Variants in HTR7 observed in about 807,000 individuals in gnomAD.
HTR7 encodes the protein 5-hydroxytryptamine receptor 7, also known as 5-HT-7.
A neutral mutation model predicts 34.0 loss-of-function variants in HTR7; 16 were observed. That is an observed-to-expected ratio of 0.47 (90% CI 0.32 to 0.71). The LOEUF is 0.71. HTR7 is among the 30% of genes least tolerant of loss of function. HTR7 has a pLI of 0.04. For missense variants in HTR7, 504 were observed against 625.5 expected, an observed-to-expected ratio of 0.81 and a Z score of 2.07; for synonymous variants, 265 against 260.2, an observed-to-expected ratio of 1.02 and a Z score of -0.18.
chr10:90,771,926 A>C (rs767894089), intron 1 of HTR7, among the ~76,000 whole-genome samples: 17 of 152,228 alleles, frequency 1.1e-4, no homozygotes, highest in Admixed American at 2.6e-4. Context: ...AGGGAAAGGA[A>C]ATAGAGGGAA....
intron 1 of HTR7, among the ~76,000 whole-genome samples, chr10:90,840,377 G>A (rs975315041): frequency 1.3e-5 from 2 of 152,112 alleles, no homozygotes; most frequent in African/African-American, 4.8e-5. Flanking sequence ...GATAATAAAA[G>A]TGCCTGGAAT....
chr10:90,790,686 TGAA>T (rs950362942), intron 1 of HTR7, among the ~76,000 whole-genome samples: 23 of 152,268 alleles, frequency 1.5e-4, no homozygotes, highest in African/African-American at 3.6e-4. Flanking sequence ...TCAGTTAAAT[TGAA>T]GAAGAAGCTA....
intron 1 of HTR7, among the ~76,000 whole-genome samples, chr10:90,829,156 T>C (rs1564696386): frequency 1.3e-5 from 2 of 152,190 alleles, no homozygotes; most frequent in Non-Finnish European, 2.9e-5. Flanking sequence ...CCATATATCA[T>C]TTCAGCTGAT....
intron 1 of HTR7, among the ~76,000 whole-genome samples, chr10:90,789,685 CA>C (rs925831106): frequency 6.6e-6 from 1 of 150,824 alleles, no homozygotes; most frequent in African/African-American, 2.4e-5. Flanking sequence ...CACAATCAAA[CA>C]AAAAAAAATC....
intron 1 of HTR7, among the ~76,000 whole-genome samples, chr10:90,817,751 A>C (rs779106794): frequency 1.3e-5 from 2 of 152,234 alleles, no homozygotes; most frequent in African/African-American, 4.8e-5. Context: ...TTGTCAGTCC[A>C]CAGAAAAACC....
intron 1 of HTR7, among the ~76,000 whole-genome samples, chr10:90,764,742 T>C (rs1300697012): frequency 6.6e-6 from 1 of 152,174 alleles, no homozygotes; most frequent in African/African-American, 2.4e-5. Context: ...CCCTGTCTTA[T>C]TCCCAATATT....
intron 1 of HTR7, among the ~76,000 whole-genome samples, chr10:90,840,359 A>G (rs182635013): frequency 3.3e-5 from 5 of 152,258 alleles, no homozygotes; most frequent in Non-Finnish European, 7.4e-5. Context: ...TCTCATCTGT[A>G]AAATGGGGAT....
chr10:90,781,277 A>T (rs989658244), intron 1 of HTR7, among the ~76,000 whole-genome samples: 1 of 152,222 alleles, frequency 6.6e-6, no homozygotes, highest in African/African-American at 2.4e-5. Flanking sequence ...CAGTATATAT[A>T]TATGGCATCT....
intron 1 of HTR7, among the ~76,000 whole-genome samples, chr10:90,852,647 C>T (rs147683989): frequency 1.1e-4 from 17 of 152,164 alleles, no homozygotes; most frequent in African/African-American, 2.4e-4. Flanking sequence ...ATTTATACAA[C>T]GGAATACTAC....
chr10:90,800,271 A>G (rs1241826090), intron 1 of HTR7, among the ~76,000 whole-genome samples: 3 of 152,210 alleles, frequency 2.0e-5, no homozygotes, highest in Non-Finnish European at 1.5e-5. Context: ...ATCTATTAGC[A>G]ATTCTGCTCA....
chr10:90,741,250 G>A lies in HTR7; in HGVS notation c.*1232C>T, dbSNP rs563990571. On this transcript the variant is annotated 3_prime_UTR_variant, in exon 4 of 4. Coordinates refer to ENST00000336152, the MANE Select transcript of HTR7 (RefSeq NM_019859.4). ...AGGTACTCTTCTATTCTCATCTACT[G>A]TCTTTCTGTCTCCTTAGCTCTTAAT... 6.6e-6 allele frequency: 1 copy of A among 152,428 alleles called. No individual in the cohort carries two copies. The highest frequency in any genetic ancestry group is 2.4e-5 in the African/African-American group (1 of 41,368). The allele number at this position is 152,428 out of a possible 1,614,324, so 9.4% of individuals were successfully genotyped here.
Position 90,742,389 on chromosome 10 carries a change from G to A in HTR7, c.*93C>T, listed in dbSNP as rs1161550009. The A allele has an allele frequency of 1.1e-6, 1 of 922,790 alleles. No individual in the cohort carries two copies. Among genetic ancestry groups the A allele is most frequent in the Non-Finnish European group, 1.7e-6 (1 of 581,390 alleles). 57.2% of individuals were successfully genotyped at this position (922,790 alleles called of 1,614,324 possible). A position where few individuals can be genotyped will look rare whatever the true frequency, so the allele number is the denominator to read the frequency against. On this transcript the variant is annotated 3_prime_UTR_variant, in exon 4 of 4. Coordinates refer to ENST00000336152, the MANE Select transcript of HTR7 (RefSeq NM_019859.4). ...GTTTTAGACATCCCAAGAAAGGACA[G>A]AAGCTGCATTCCATTCTGCAGACTC... is the stretch of plus-strand genomic sequence containing the variant.
At chr10:90,808,593 G>T (rs541640869) in intron 1 of HTR7, among the ~76,000 whole-genome samples, 1 of 151,944 alleles carries the variant, frequency 6.6e-6, no homozygotes, top group African/African-American at 2.4e-5. Context: ...CCCCGACCTT[G>T]TATCTCTGCG....
intron 1 of HTR7, among the ~76,000 whole-genome samples, chr10:90,790,754 C>G (rs577003387): frequency 1.3e-5 from 2 of 151,916 alleles, no homozygotes; most frequent in East Asian, 3.9e-4. Context: ...AAAAATACTG[C>G]CATTTGTAAC....
chr10:90,857,724 C>A lies in HTR7; in HGVS notation c.-53G>T, dbSNP rs1420353147. ...AGCCGGCGCCCCGGCCACGCGCCTC[C>A]GGCTGCCGGCCCCGGGGCTTCACCT... On this transcript the variant is annotated 5_prime_UTR_variant, in exon 1 of 4. Transcript: ENST00000336152. This position sits in a 1 kb window ranked among gnomAD's most constrained non-coding sequence, Gnocchi z 6.5. 3 of 1,411,786 alleles carry A rather than the reference C, an allele frequency of 2.1e-6. No individual in the cohort carries two copies. The highest frequency in any genetic ancestry group is 6.7e-5 in the Admixed American group (2 of 29,952). The allele number at this position is 1,411,786 out of a possible 1,614,324, so 87.5% of individuals were successfully genotyped here.
intron 1 of HTR7, among the ~76,000 whole-genome samples, chr10:90,789,013 C>T (rs1845425393): frequency 6.6e-6 from 1 of 152,104 alleles, no homozygotes; most frequent in Admixed American, 6.6e-5. Flanking sequence ...TATCGCGATC[C>T]CCTAGCACTT....
intron 1 of HTR7, among the ~76,000 whole-genome samples, chr10:90,802,598 A>G (rs1845646186): frequency 6.6e-6 from 1 of 152,264 alleles, no homozygotes; most frequent in Admixed American, 6.5e-5. Context: ...AATTGATGGA[A>G]AGGTTAAATT....
chr10:90,804,232 C>T (rs1321474015), intron 1 of HTR7, among the ~76,000 whole-genome samples: 1 of 152,118 alleles, frequency 6.6e-6, no homozygotes, highest in Non-Finnish European at 1.5e-5. Context: ...CTCAGAGCCA[C>T]CTCCATCACT....
At chr10:90,801,238 C>T (rs986070288) in intron 1 of HTR7, among the ~76,000 whole-genome samples, 2 of 152,118 alleles carry the variant, frequency 1.3e-5, no homozygotes, top group African/African-American at 4.8e-5. Context: ...TGCCAGCTGG[C>T]TGTAATTTCT....
Sources: allele counts gnomAD v4.1 joint callset (sites outside exome capture counted in the v4.1 genomes callset), GRCh38; gene constraint gnomAD v4.1.1; non-coding constraint Gnocchi (gnomAD v3.1); transcripts MANE v1.5; gene names NCBI Gene and HGNC (gene_info 2026-07-23, HGNC 2026-07-21).